DBF4: variants seen among roughly 807,000 people sequenced by gnomAD.
DBF4 encodes DBF4-CDC7 kinase regulatory subunit.
In DBF4, 25 loss-of-function variants were observed where a neutral mutation model predicts 76.6. The observed-to-expected ratio is 0.33, with a 90% CI of 0.24 to 0.46. DBF4 has a LOEUF of 0.46. Ranked by LOEUF, DBF4 falls within the 20% of genes least tolerant of loss-of-function variation. The pLI is 1.00. For missense variants in DBF4, 638 were observed against 760.8 expected (o/e 0.84, Z 1.90); for synonymous variants, 213 against 258.0 (o/e 0.83, Z 1.67).
intron 2 of DBF4, among the ~76,000 whole-genome samples, chr7:87,879,593 G>C (rs1033923380): frequency 1.3e-5 from 2 of 152,272 alleles, no homozygotes; most frequent in East Asian, 3.9e-4. Context: ...AATTAGAGCA[G>C]TATTAGCTTC....
At chr7:87,883,204 A>G (rs1839259049) in intron 2 of DBF4, among the ~76,000 whole-genome samples, 1 of 152,190 alleles carries the variant, frequency 6.6e-6, no homozygotes, top group African/African-American at 2.4e-5. Context: ...ATTCCATTAT[A>G]TGAGTTATCT....
In DBF4 at chr7:87,887,632, C is replaced by T. The variant is rs908112961; in HGVS notation, c.520+234C>T. On this transcript the variant is annotated intron_variant, in intron 5 of 11. Transcript: ENST00000265728. Reference sequence around the variant, plus strand: ...AAGGGCTGCATCTGGTGAGGGCCTTCTTGTTGGTGGAGACTCTGCAGAGTC... The same window carrying T: ...AAGGGCTGCATCTGGTGAGGGCCTTTTTGTTGGTGGAGACTCTGCAGAGTC... 2.6e-5 allele frequency among the ~76,000 whole-genome samples: 4 copies of T among 152,254 alleles called. No homozygotes were observed. The East Asian group carries it at 7.7e-4, about 29-fold the overall frequency.
At chr7:87,882,671 AT>A (rs1296919348) in intron 2 of DBF4, among the ~76,000 whole-genome samples, 1 of 152,216 alleles carries the variant, frequency 6.6e-6, no homozygotes. Flanking sequence ...CTGAAAAGAC[AT>A]TTACTCAGAA....
Position 87,876,771 on chromosome 7 carries a change from T to C in DBF4, c.39T>C (p.His13=), listed in dbSNP as rs756093799. The C allele has an allele frequency of 3.1e-6, 5 of 1,613,982 alleles. No homozygotes were observed. Among genetic ancestry groups the C allele is most frequent in the Non-Finnish European group, 4.2e-6 (5 of 1,179,994 alleles). ...SGAMRIHSKG[H]FQGGIQVKNE... is the part of the protein sequence containing the mutation. ...CCATGAGGATCCACAGTAAAGGACA[T>C]TTCCAGGGTAAGAAGCCCCTCCTCC... is the stretch of plus-strand genomic sequence containing the variant. Residue 13 remains histidine, a synonymous_variant, in exon 1 of 12, where the codon CAT becomes CAC. Transcript: ENST00000265728.
chr7:87,904,411 G>A lies in DBF4; in HGVS notation c.1044G>A (p.Lys348=). 1 of 1,611,028 alleles carries A rather than the reference G, an allele frequency of 6.2e-7. No individual in the cohort carries two copies. The highest frequency in any genetic ancestry group is 8.5e-7 in the Non-Finnish European group (1 of 1,178,780). Residue 348 remains lysine (K), a synonymous_variant, in exon 11 of 12, where the codon AAG becomes AAA. Transcript: ENST00000265728. ...AATATGAAAAGGACACACCTAAAAA[G>A]AAAAGGTAATTAGTTTTATCAACCT... ...FVEYEKDTPK[K]KRIKYSVGSL...
chr7:87,903,717 C>T (rs1228734190), intron 10 of DBF4, among the ~76,000 whole-genome samples: 3 of 102,594 alleles, frequency 2.9e-5, no homozygotes, highest in South Asian at 6.3e-4. Context: ...TTTTTTGAGA[C>T]GAAGTCTTGC....
intron 6 of DBF4, among the ~76,000 whole-genome samples, chr7:87,892,984 ATG>A (rs1839531166): frequency 6.6e-6 from 1 of 152,152 alleles, no homozygotes; most frequent in Admixed American, 6.5e-5. Flanking sequence ...GTTGAAGAAA[ATG>A]TATATTCTGC....
At chr7:87,900,722 A>G in intron 9 of DBF4, 42 bp from the exon 10 acceptor site, 1 of 1,498,390 alleles carries the variant, frequency 6.7e-7, no homozygotes, top group Non-Finnish European at 9.2e-7. Flanking sequence ...GTTATTCCTT[A>G]GGTTCAGCAG....
At position 87,907,217 on chromosome 7, in the gene DBF4, C is replaced by A; in HGVS notation, c.1079C>A (p.Pro360His). Reference sequence around the variant, plus strand: ...AAATACAGTGTTGGATCCCTTTCTCCTGTTTCTGCAAGTGTCCTGAAAAAG... The same window carrying A: ...AAATACAGTGTTGGATCCCTTTCTCATGTTTCTGCAAGTGTCCTGAAAAAG... Reference protein sequence around the residue: ...RIKYSVGSLSPVSASVLKKTE... With the variant: ...RIKYSVGSLSHVSASVLKKTE... Residue 360 changes from proline (P) to histidine (H), a missense_variant, in exon 12 of 12, where the codon CCT becomes CAT. Pro to His is a moderately conservative substitution (Grantham distance 77). Coordinates refer to ENST00000265728, the MANE Select transcript of DBF4 (RefSeq NM_006716.4). The A allele has an allele frequency of 6.2e-7, 1 of 1,606,086 alleles. No individual in the cohort carries two copies. Among genetic ancestry groups the A allele is most frequent in the African/African-American group, 1.3e-5 (1 of 74,374 alleles).
rs1839115518 is a variant in DBF4, at chr7:87,878,103, A to G, written c.97A>G (p.Lys33Glu). The G allele has an allele frequency of 6.2e-7, 1 of 1,611,598 alleles. No individual in the cohort carries two copies. Reference protein sequence around the residue: ...EKNRPSLKSLKTDNRPEKSKC... With the variant: ...EKNRPSLKSLETDNRPEKSKC... ...AAACAGACCATCTCTGAAATCTCTG[A>G]AAACTGATAACAGGCCAGAAAAATC... Residue 33 changes from lysine to glutamate, a missense_variant, in exon 2 of 12, where the codon AAA (lysine) becomes GAA (glutamate). By Grantham distance (56) the Lys-to-Glu change is moderately conservative. Transcript: ENST00000265728.
At chr7:87,894,521 A>C (rs1397705394) in intron 6 of DBF4, among the ~76,000 whole-genome samples, 2 of 152,214 alleles carry the variant, frequency 1.3e-5, no homozygotes, top group African/African-American at 4.8e-5. Flanking sequence ...ATTAACCCAG[A>C]TGTTAACCTT....
chr7:87,907,608 ACAT>A lies in DBF4; in HGVS notation c.1471_1473del (p.His491del). The stretch of plus-strand genomic sequence containing the variant: ...ATAAATGTAACATACAGGCATCTGT[ACAT>A]GTTTCTGATTTCAGTACAGATAATA... On this transcript the variant is annotated inframe_deletion, in exon 12 of 12. Coordinates refer to ENST00000265728, the MANE Select transcript of DBF4 (RefSeq NM_006716.4). The A allele has an allele frequency of 6.2e-7, 1 of 1,614,118 alleles. No homozygotes were observed. Among genetic ancestry groups the A allele is most frequent in the Non-Finnish European group, 8.5e-7 (1 of 1,179,966 alleles).
At chr7:87,877,995 A>G (rs1211836796) in intron 1 of DBF4, 58 bp from the exon 2 acceptor site, 3 of 1,288,464 alleles carry the variant, frequency 2.3e-6, no homozygotes, top group East Asian at 2.3e-5. Context: ...ATAATGAAAT[A>G]TTTTAAAAAT....
At position 87,886,803 on chromosome 7, in the gene DBF4, A is replaced by G. The variant is rs762950032; in HGVS notation, c.400-41A>G. The G allele has an allele frequency of 6.7e-6, 8 of 1,189,306 alleles. No individual in the cohort carries two copies. The African/African-American group carries it at 7.7e-5, about 11-fold the overall frequency. 73.7% of individuals were successfully genotyped at this position (1,189,306 alleles called of 1,614,324 possible). ...GCTTTACCTTTTTAACCTGTTCTCC[A>G]GTTAAGCACTATGTTTTAAATTTTT... On this transcript the variant is annotated intron_variant, in intron 3 of 11. Coordinates refer to ENST00000265728, the MANE Select transcript of DBF4 (RefSeq NM_006716.4).
chr7:87,879,016 C>G (rs929185774), intron 2 of DBF4, among the ~76,000 whole-genome samples: 10 of 152,140 alleles, frequency 6.6e-5, no homozygotes, highest in African/African-American at 2.4e-4. Flanking sequence ...GATCTCAGCT[C>G]ACTGCAACCT....
At position 87,897,290 on chromosome 7, in the gene DBF4, C is replaced by A; in HGVS notation, c.635-4C>A. 1 of 1,607,748 alleles carries A rather than the reference C, an allele frequency of 6.2e-7. No individual in the cohort carries two copies. Among genetic ancestry groups the A allele is most frequent in the Non-Finnish European group, 8.5e-7 (1 of 1,177,970 alleles). On this transcript the variant is annotated splice_polypyrimidine_tract_variant and splice_region_variant and intron_variant, in intron 7 of 11. Transcript: ENST00000265728. ...GTATCTAATATGTTTTCTATGTTCT[C>A]AAGCAGGAAGACTCAAAAAGCCTTT... is the stretch of plus-strand genomic sequence containing the variant.
At chr7:87,898,289 A>T (rs1839689186) in intron 8 of DBF4, among the ~76,000 whole-genome samples, 2 of 152,212 alleles carry the variant, frequency 1.3e-5, no homozygotes. Context: ...GGAGGCCTAG[A>T]AAAGACACTA....
At chr7:87,888,884 A>G (rs1441405224) in intron 6 of DBF4, among the ~76,000 whole-genome samples, 2 of 152,146 alleles carry the variant, frequency 1.3e-5, no homozygotes, top group African/African-American at 4.8e-5. Flanking sequence ...TGATCTCTTC[A>G]TATTTCTCAG....
At chr7:87,883,828 A>G (rs2131044922) in intron 2 of DBF4, among the ~76,000 whole-genome samples, 1 of 152,216 alleles carries the variant, frequency 6.6e-6, no homozygotes, top group African/African-American at 2.4e-5. Context: ...CATGGATGTA[A>G]ATTGTTACTG....
Sources: allele counts gnomAD v4.1 joint callset (sites outside exome capture counted in the v4.1 genomes callset), GRCh38; gene constraint gnomAD v4.1.1; transcripts MANE v1.5; gene names NCBI Gene and HGNC (gene_info 2026-07-23, HGNC 2026-07-21).